PGBD5: variants seen among roughly 807,000 people sequenced by gnomAD.
The protein encoded by PGBD5 is piggyBac transposable element derived 5, also known as piggyBac transposable element-derived protein 5.
In PGBD5, 14 loss-of-function variants were observed where a neutral mutation model predicts 47.9. That is an observed-to-expected ratio of 0.29 (90% CI 0.19 to 0.46). The LOEUF (loss-of-function observed/expected upper bound fraction) is 0.46. Ranked by LOEUF, PGBD5 falls within the 20% of genes least tolerant of loss-of-function variation. The probability of loss-of-function intolerance (pLI) is 1.00; values close to 1 mark genes in which losing one functional copy is unlikely to be tolerated. For synonymous variants in PGBD5, 316 were observed against 306.3 expected (o/e 1.03, Z -0.33); for missense variants, 635 against 716.0 (o/e 0.89, Z 1.29).
At position 230,358,255 on chromosome 1, in the gene PGBD5, C is replaced by T. The variant is rs1415277091; in HGVS notation, c.332-934G>A. Among the ~76,000 whole-genome samples the T allele has an allele frequency of 5.3e-5, 8 of 152,084 alleles. No individual in the cohort carries two copies. In the East Asian group the frequency reaches 1.4e-3, roughly 26 times the overall value. Reference sequence around the variant, plus strand: ...CAAATTCTTACAAATCTGGCACATTCGGTAAATACTGATCTGAAGAGAAAA... The same window carrying T: ...CAAATTCTTACAAATCTGGCACATTTGGTAAATACTGATCTGAAGAGAAAA... On this transcript the variant is annotated intron_variant, in intron 1 of 6. Transcript: ENST00000391860.
At chr1:230,422,362 G>A (rs1049329936) in intron 1 of PGBD5, among the ~76,000 whole-genome samples, 2 of 152,096 alleles carry the variant, frequency 1.3e-5, no homozygotes, top group African/African-American at 4.8e-5. Flanking sequence ...ATTTCATTCT[G>A]TTTCCAAAGA....
chr1:230,321,507 T>C lies in PGBD5; in HGVS notation c.*1918A>G, dbSNP rs1379924318. On this transcript the variant is annotated 3_prime_UTR_variant, in exon 7 of 7. Transcript: ENST00000391860. Reference sequence around the variant, plus strand: ...TTTGTAGAAATGGGCTTTCGCCATGTTGCCAATGCTGGTCTCAAACTCCTG... The same window carrying C: ...TTTGTAGAAATGGGCTTTCGCCATGCTGCCAATGCTGGTCTCAAACTCCTG... The C allele has an allele frequency of 6.6e-6, 1 of 152,230 alleles. No individual in the cohort carries two copies. Among genetic ancestry groups the C allele is most frequent in the Admixed American group, 6.5e-5 (1 of 15,274 alleles). The allele number at this position is 152,230 out of a possible 1,614,324, so 9.4% of individuals were successfully genotyped here.
chr1:230,321,974 A>C lies in PGBD5; in HGVS notation c.*1451T>G, dbSNP rs926627643. 3.3e-5 allele frequency: 5 copies of C among 152,426 alleles called. No individual in the cohort carries two copies. The highest frequency in any genetic ancestry group is 1.2e-4 in the African/African-American group (5 of 41,424). 9.4% of individuals were successfully genotyped at this position (152,426 alleles called of 1,614,324 possible). ...GGGCCCGGAGCATGCGGACAGCAACACTCGCAATAACTGAGTGAGGACGAG... is the reference window on the plus strand; with the variant it reads ...GGGCCCGGAGCATGCGGACAGCAACCCTCGCAATAACTGAGTGAGGACGAG... On this transcript the variant is annotated 3_prime_UTR_variant, in exon 7 of 7. Coordinates refer to ENST00000391860, the MANE Select transcript of PGBD5 (RefSeq NM_001258311.2).
Position 230,332,956 on chromosome 1 carries a change from G to T in PGBD5, c.1161C>A (p.Pro387=), listed in dbSNP as rs767111567. 1.3e-5 allele frequency: 21 copies of T among 1,614,024 alleles called. No individual in the cohort carries two copies. Among genetic ancestry groups the T allele is most frequent in the Non-Finnish European group, 1.8e-5 (21 of 1,179,982 alleles). The change falls in exon 5 of 7, where the codon CCC becomes CCA. Residue 387 remains proline (P), a synonymous_variant. Coordinates refer to ENST00000391860, the MANE Select transcript of PGBD5 (RefSeq NM_001258311.2). ...TGATTTGGTACTGGCCCCGGGCCGGGGGTGTGGCTGGGTTGGTCAGCATGG... is the reference window on the plus strand; with the variant it reads ...TGATTTGGTACTGGCCCCGGGCCGGTGGTGTGGCTGGGTTGGTCAGCATGG... ...PLSMLTNPAT[P]PARGQYQIKM...
At chr1:230,329,124 G>GGGGT (rs1667171335) in intron 5 of PGBD5, among the ~76,000 whole-genome samples, 1 of 150,758 alleles carries the variant, frequency 6.6e-6, no homozygotes, top group African/African-American at 2.4e-5. Context: ...TTTTTTTTTG[G>GGGGT]GGGGGGAGGT....
At chr1:230,371,591 A>T (rs1667930075) in intron 1 of PGBD5, among the ~76,000 whole-genome samples, 1 of 152,236 alleles carries the variant, frequency 6.6e-6, no homozygotes, top group African/African-American at 2.4e-5. Flanking sequence ...TTCAACTTGG[A>T]CAAGAGTCAG....
intron 1 of PGBD5, among the ~76,000 whole-genome samples, chr1:230,395,845 A>C (rs1410712774): frequency 8.3e-5 from 2 of 24,134 alleles, no homozygotes; most frequent in Non-Finnish European, 7.2e-5. Flanking sequence ...CCTCATTCCT[A>C]CCCTCCTCCC....
At chr1:230,424,994 A>G (rs1479133143) in intron 1 of PGBD5, among the ~76,000 whole-genome samples, 2 of 152,134 alleles carry the variant, frequency 1.3e-5, no homozygotes, top group Non-Finnish European at 2.9e-5. Context: ...ACGCTGCCCA[A>G]TCGGTCCCTT....
intron 1 of PGBD5, among the ~76,000 whole-genome samples, chr1:230,393,266 GA>G (rs1190192041): frequency 6.9e-6 from 1 of 145,622 alleles, no homozygotes; most frequent in Non-Finnish European, 1.5e-5. Context: ...GGAAAAGGGG[GA>G]GGAGGAGGGA....
rs568545544 is a variant in PGBD5 at position 230,316,106 on chromosome 1, G to A, written c.*7319C>T. Reference sequence around the variant, plus strand: ...TGTGTATACATACATATGTTTATGTGTACACATATATCTATGTGTATACAT... The same window carrying A: ...TGTGTATACATACATATGTTTATGTATACACATATATCTATGTGTATACAT... On this transcript the variant is annotated 3_prime_UTR_variant, in exon 7 of 7. Transcript: ENST00000391860. The A allele has an allele frequency of 4.0e-5, 6 of 149,870 alleles. No homozygotes were observed. Among genetic ancestry groups the A allele is most frequent in the Admixed American group, 2.0e-4 (3 of 15,102 alleles). 9.3% of individuals were successfully genotyped at this position (149,870 alleles called of 1,614,324 possible).
At chr1:230,328,147 G>A (rs1320929145) in intron 5 of PGBD5, among the ~76,000 whole-genome samples, 5 of 152,288 alleles carry the variant, frequency 3.3e-5, no homozygotes, top group East Asian at 1.9e-4. Context: ...CATAGCCACC[G>A]ACCTTGCAGC....
intron 1 of PGBD5, among the ~76,000 whole-genome samples, chr1:230,369,123 C>A (rs912480783): frequency 6.6e-6 from 1 of 152,226 alleles, no homozygotes. Flanking sequence ...TGCAAGGCCC[C>A]AAAGGTTCTG....
chr1:230,376,595 G>C (rs937214524), intron 1 of PGBD5, among the ~76,000 whole-genome samples: 4 of 152,100 alleles, frequency 2.6e-5, no homozygotes, highest in Admixed American at 6.5e-5. Flanking sequence ...GCTGCCCCCA[G>C]GGCAGTCACT....
At chr1:230,411,370 A>C (rs550990653) in intron 1 of PGBD5, among the ~76,000 whole-genome samples, 50 of 152,356 alleles carry the variant, frequency 3.3e-4, no homozygotes, top group African/African-American at 1.1e-3. Context: ...AAGCAAACGC[A>C]GTAGAAATTT....
chr1:230,365,949 A>G (rs1247977588), intron 1 of PGBD5, among the ~76,000 whole-genome samples: 1 of 152,236 alleles, frequency 6.6e-6, no homozygotes, highest in African/African-American at 2.4e-5. Context: ...GCAAGATAAC[A>G]ACACAGGAAG....
chr1:230,372,111 C>T (rs1454971978), intron 1 of PGBD5, among the ~76,000 whole-genome samples: 1 of 152,172 alleles, frequency 6.6e-6, no homozygotes. Flanking sequence ...AGAGAACTGT[C>T]CATGACACAC....
rs937218047 is a variant in PGBD5 at position 230,317,756 on chromosome 1, C to G, written c.*5669G>C. 1 of 152,216 alleles carries G rather than the reference C, an allele frequency of 6.6e-6. No homozygotes were observed. The allele number at this position is 152,216 out of a possible 1,614,324, so 9.4% of individuals were successfully genotyped here. On this transcript the variant is annotated 3_prime_UTR_variant, in exon 7 of 7. Coordinates refer to ENST00000391860, the MANE Select transcript of PGBD5 (RefSeq NM_001258311.2). ...CCATCGTCTTCCTAGGTCTTTCACA[C>G]AAGCCGATGTCCTCCCCGCCCTTTC...
At chr1:230,395,430 T>A (rs1242197237) in intron 1 of PGBD5, among the ~76,000 whole-genome samples, 1 of 6,998 alleles carries the variant, frequency 1.4e-4, no homozygotes, top group African/African-American at 7.8e-4. Context: ...TCCCCTCCTC[T>A]CCTCCCACTC....
chr1:230,350,036 C>T (rs1202318035), intron 3 of PGBD5, among the ~76,000 whole-genome samples: 2 of 152,142 alleles, frequency 1.3e-5, no homozygotes, highest in Non-Finnish European at 2.9e-5. Context: ...AGGAGATGTT[C>T]GGCAGAATCT....
Sources: gnomAD v4.1 joint callset for allele counts (sites outside exome capture counted in the v4.1 genomes callset) on GRCh38, gnomAD v4.1.1 for gene constraint, MANE v1.5 for transcripts, NCBI Gene and HGNC (gene_info 2026-07-23, HGNC 2026-07-21) for gene names.